Variants in UNC13B observed in about 807,000 individuals in gnomAD.
UNC13B encodes the protein unc-13 homolog B, also known as protein unc-13 homolog B.
UNC13B carries 144 observed loss-of-function variants against 211.0 expected under a neutral mutation model. The ratio of observed to expected loss-of-function variants is 0.68; its 90% CI spans 0.60 to 0.78. The LOEUF (loss-of-function observed/expected upper bound fraction) is 0.78. Among genes scored for constraint, UNC13B ranks in the 30% least tolerant of loss-of-function variants. The pLI is 0.00. For synonymous variants in UNC13B, 709 were observed against 725.8 expected, an observed-to-expected ratio of 0.98 and a Z score of 0.37; for missense variants, 1,777 against 2,002.0, an observed-to-expected ratio of 0.89 and a Z score of 2.14.
intron 7 of UNC13B, among the ~76,000 whole-genome samples, chr9:35,287,861 A>G (rs1016894225): frequency 1.3e-5 from 2 of 151,862 alleles, no homozygotes; most frequent in Non-Finnish European, 2.9e-5. Context: ...TCTACTGGCC[A>G]TGTTCATTTG....
intron 5 of UNC13B, among the ~76,000 whole-genome samples, chr9:35,240,323 A>G (rs2131545737): frequency 6.6e-6 from 1 of 152,222 alleles, no homozygotes; most frequent in Middle Eastern, 3.4e-3. Flanking sequence ...ATATTTGCAT[A>G]TTCTATTGTT....
intron 11 of UNC13B, chr9:35,351,438 G>C: frequency 8.1e-7 from 1 of 1,231,068 alleles, no homozygotes; most frequent in Non-Finnish European, 1.0e-6. Context: ...AGCAGGACAG[G>C]CTGTTGCCTT....
At position 35,365,168 on chromosome 9, in the gene UNC13B, G is replaced by C. The variant is rs1306409243; in HGVS notation, c.9415-1779G>C. The stretch of plus-strand genomic sequence containing the variant: ...CATAGTATACTAATGCCCTGTGCTT[G>C]CAAGCACTGGCTCTTGAAGACCATG... On this transcript the variant is annotated intron_variant, in intron 11 of 39. Transcript: ENST00000635942. Among the ~76,000 whole-genome samples, 2 of 152,212 alleles carry C rather than the reference G, an allele frequency of 1.3e-5. 1 individual carries two copies. The highest frequency in any genetic ancestry group is 2.9e-5 in the Non-Finnish European group (2 of 68,042).
chr9:35,335,992 T>C (rs1831635105), intron 11 of UNC13B, among the ~76,000 whole-genome samples: 1 of 152,158 alleles, frequency 6.6e-6, no homozygotes, highest in Non-Finnish European at 1.5e-5. Flanking sequence ...CCTGAGTCAC[T>C]GCGCCTGGCC....
At chr9:35,164,325 A>G (rs1348353237) in intron 1 of UNC13B, among the ~76,000 whole-genome samples, 1 of 152,356 alleles carries the variant, frequency 6.6e-6, no homozygotes, top group East Asian at 1.9e-4. Context: ...CACAAAATAC[A>G]TCTTTCTAAA....
At chr9:35,334,808 G>C (rs6476482) in intron 11 of UNC13B, among the ~76,000 whole-genome samples, 11,655 of 152,172 alleles carry the variant, frequency 0.077, 1,508 homozygotes, top group African/African-American at 0.27. Flanking sequence ...AGGCTGAGGC[G>C]AGTGGATCAC....
rs1835417100 is a variant in UNC13B at position 35,389,831 on chromosome 9, G to A, written c.11095-15G>A. The A allele has an allele frequency of 6.2e-7, 1 of 1,613,774 alleles. No homozygotes were observed. Among genetic ancestry groups the A allele is most frequent in the Non-Finnish European group, 8.5e-7 (1 of 1,179,884 alleles). ...ACTCTTTCTCCCTCTCTCTCACTGT[G>A]TCCTCTGGATCAAGAAGCAGGAGCT... On this transcript the variant is annotated splice_polypyrimidine_tract_variant and intron_variant, in intron 24 of 39. Coordinates refer to ENST00000635942, the MANE Select transcript of UNC13B (RefSeq NM_001371189.2).
chr9:35,347,222 A>G (rs959778711), intron 11 of UNC13B, among the ~76,000 whole-genome samples: 2 of 152,196 alleles, frequency 1.3e-5, no homozygotes, highest in Non-Finnish European at 2.9e-5. Context: ...AACTTTTATT[A>G]TAATATGTAT....
chr9:35,227,545 C>G (rs948077000), intron 1 of UNC13B, among the ~76,000 whole-genome samples: 8 of 152,148 alleles, frequency 5.3e-5, no homozygotes, highest in Non-Finnish European at 1.2e-4. Flanking sequence ...ATTACATTGA[C>G]AGGAGCTCCT....
At chr9:35,342,898 A>G (rs932161451) in intron 11 of UNC13B, among the ~76,000 whole-genome samples, 5 of 152,188 alleles carry the variant, frequency 3.3e-5, no homozygotes, top group Admixed American at 3.3e-4. Flanking sequence ...TATATGTGAG[A>G]GAGAGAGAAA....
intron 1 of UNC13B, among the ~76,000 whole-genome samples, chr9:35,227,157 T>C (rs1824895100): frequency 6.6e-6 from 1 of 152,198 alleles, no homozygotes; most frequent in East Asian, 1.9e-4. Context: ...ATAAAAAGAA[T>C]AGATTTTAGT....
At chr9:35,254,955 A>C (rs1261924663) in intron 6 of UNC13B, among the ~76,000 whole-genome samples, 2 of 117,040 alleles carry the variant, frequency 1.7e-5, no homozygotes, top group East Asian at 4.1e-4. Context: ...TATGTATATA[A>C]TATAATATAT....
At chr9:35,247,914 GT>G (rs1438575864) in intron 6 of UNC13B, among the ~76,000 whole-genome samples, 1 of 152,142 alleles carries the variant, frequency 6.6e-6, no homozygotes, top group Non-Finnish European at 1.5e-5. Flanking sequence ...GATTGGAATA[GT>G]TTCAGAAGGA....
intron 11 of UNC13B, among the ~76,000 whole-genome samples, chr9:35,314,312 A>G (rs1039215456): frequency 2.0e-5 from 3 of 152,138 alleles, no homozygotes; most frequent in African/African-American, 7.2e-5. Context: ...GCCCCTGAGG[A>G]TAGTTGTCTC....
At chr9:35,370,061 CT>C (rs1359795515) in intron 12 of UNC13B, among the ~76,000 whole-genome samples, 1 of 152,220 alleles carries the variant, frequency 6.6e-6, no homozygotes, top group African/African-American at 2.4e-5. Flanking sequence ...TGAACTATCA[CT>C]GGGATAAAAG....
In UNC13B at chr9:35,400,528, G is replaced by A. The variant is rs144630118; in HGVS notation, c.12484+85G>A. ...GGAGTCTGTATCTTCATGCCCTTGG[G>A]AGCAGATCCAGTTACTTCTTCAGAG... On this transcript the variant is annotated intron_variant, in intron 37 of 39. Coordinates refer to ENST00000635942, the MANE Select transcript of UNC13B (RefSeq NM_001371189.2). The A allele has an allele frequency of 1.8e-3, 2,719 of 1,470,186 alleles. 5 individuals are homozygous for A. The highest frequency in any genetic ancestry group is 2.3e-3 in the Non-Finnish European group (2,495 of 1,100,576). 91.1% of individuals were successfully genotyped at this position (1,470,186 alleles called of 1,614,324 possible).
rs115972179 is a variant in UNC13B, at chr9:35,199,013, C to A, written c.23-29002C>A. Among the ~76,000 whole-genome samples the A allele has an allele frequency of 2.0e-3, 300 of 152,248 alleles. 1 individual carries two copies. The Middle Eastern group carries it at 0.034, about 17-fold the overall frequency. On this transcript the variant is annotated intron_variant, in intron 1 of 39. Coordinates refer to ENST00000635942, the MANE Select transcript of UNC13B (RefSeq NM_001371189.2). ...CTCCTAATGCTATCCCTCCCCGCTCCCCCTACTGCACGACAGGCCCCAGTG... is the reference window on the plus strand; with the variant it reads ...CTCCTAATGCTATCCCTCCCCGCTCACCCTACTGCACGACAGGCCCCAGTG...
At position 35,403,243 on chromosome 9, in the gene UNC13B, C is replaced by A. The variant is rs1836445865; in HGVS notation, c.12561C>A (p.His4187Gln). 6.2e-7 allele frequency: 1 copy of A among 1,614,052 alleles called. No homozygotes were observed. Residue 4187 changes from histidine to glutamine, a missense_variant, in exon 38 of 40, where the codon CAC becomes CAA. Coordinates refer to ENST00000635942, the MANE Select transcript of UNC13B (RefSeq NM_001371189.2). ...DLFTHPGTGE[H>Q]KVTVKVVAAN... is the part of the protein sequence containing the mutation. ...TTACACACCCTGGTACTGGGGAGCA[C>A]AAGGTCACAGTGAAAGGTGAGTGAT... is the stretch of plus-strand genomic sequence containing the variant.
At chr9:35,383,456 AT>A (rs754564068) in intron 21 of UNC13B, among the ~76,000 whole-genome samples, 39 of 152,114 alleles carry the variant, frequency 2.6e-4, no homozygotes, top group Non-Finnish European at 3.1e-4. Flanking sequence ...GTACTAATGA[AT>A]TTTTTGTTGT....
Sources: allele counts gnomAD v4.1 joint callset (sites outside exome capture counted in the v4.1 genomes callset), GRCh38; gene constraint gnomAD v4.1.1; transcripts MANE v1.5; gene names NCBI Gene and HGNC (gene_info 2026-07-23, HGNC 2026-07-21).